Variants in MAPK10 observed in about 807,000 individuals in gnomAD.
MAPK10 encodes mitogen-activated protein kinase 10, also known as JNK3 alpha protein kinase.
A neutral mutation model predicts 59.3 loss-of-function variants in MAPK10; 25 were observed. The observed-to-expected ratio is 0.42, with a 90% CI of 0.31 to 0.59. The LOEUF is 0.59. Ranked by LOEUF, MAPK10 falls within the 20% of genes least tolerant of loss-of-function variation. The pLI is 0.15. For missense variants in MAPK10, 351 were observed against 568.9 expected (o/e 0.62, Z 3.90); for synonymous variants, 190 against 200.5 (o/e 0.95, Z 0.44).
rs185277466 is a variant in MAPK10 at position 86,286,456 on chromosome 4, G to C, written c.-7+68074C>G. Among the ~76,000 whole-genome samples, 373 of 152,258 alleles carry C rather than the reference G, an allele frequency of 2.4e-3. 2 individuals carry two copies. The highest frequency in any genetic ancestry group is 8.3e-3 in the African/African-American group (344 of 41,550). ...ATTACAAATAACATGTGTAGCACTT[G>C]CTCTGTGCCAGGCACTGTTCTAAGC... On this transcript the variant is annotated intron_variant, in intron 2 of 13. Coordinates refer to ENST00000641462, the MANE Select transcript of MAPK10 (RefSeq NM_138982.4).
intron 13 of MAPK10, chr4:86,020,574 G>A (rs867263852): frequency 1.8e-5 from 3 of 167,544 alleles, no homozygotes; most frequent in East Asian, 3.5e-4. Flanking sequence ...GGACCCTCGC[G>A]GTGAGTGTTA....
chr4:86,378,906 C>T (rs1441188349), intron 1 of MAPK10, among the ~76,000 whole-genome samples: 1 of 152,116 alleles, frequency 6.6e-6, no homozygotes, highest in Non-Finnish European at 1.5e-5. Flanking sequence ...AACAGTTCTA[C>T]CTGAGGGTGA....
intron 1 of MAPK10, among the ~76,000 whole-genome samples, chr4:86,518,446 G>C (rs539295853): frequency 3.9e-5 from 6 of 152,264 alleles, no homozygotes; most frequent in African/African-American, 1.2e-4. Flanking sequence ...TAATTCTGTG[G>C]TATCGGTTGT....
At chr4:86,064,533 A>G in intron 10 of MAPK10, 143 bp from the exon 11 acceptor site, 1 of 753,030 alleles carries the variant, frequency 1.3e-6, no homozygotes, top group Non-Finnish European at 2.2e-6. Flanking sequence ...GATGGAAAAG[A>G]AAATGCATTT....
chr4:86,174,647 A>G (rs11932859), intron 3 of MAPK10, among the ~76,000 whole-genome samples: 12,870 of 152,136 alleles, frequency 0.085, 1,197 homozygotes, highest in African/African-American at 0.23. Context: ...CCTCCTCAAC[A>G]CTTCTCTTTC....
At chr4:86,571,682 G>C (rs1383874855) in intron 1 of MAPK10, among the ~76,000 whole-genome samples, 3 of 152,066 alleles carry the variant, frequency 2.0e-5, no homozygotes, top group Admixed American at 2.0e-4. Flanking sequence ...ATCAAGGAGA[G>C]AAAAGACCTC....
intron 9 of MAPK10, chr4:86,079,994 T>A (rs1561435179): frequency 6.6e-6 from 1 of 152,084 alleles, no homozygotes; most frequent in Non-Finnish European, 1.5e-5. Flanking sequence ...ATTCTGCACC[T>A]TTTAATGTAA....
chr4:86,038,110 G>A (rs1457746313), intron 11 of MAPK10, among the ~76,000 whole-genome samples: 2 of 152,294 alleles, frequency 1.3e-5, no homozygotes, highest in Admixed American at 1.3e-4. Flanking sequence ...AGAAATCTAA[G>A]TTGTACAAAG....
chr4:86,162,113 A>C (rs976006793), intron 3 of MAPK10, among the ~76,000 whole-genome samples: 4 of 151,900 alleles, frequency 2.6e-5, no homozygotes, highest in African/African-American at 9.7e-5. Flanking sequence ...AATATAACCA[A>C]AAAAAGATAA....
chr4:86,169,365 T>G (rs1581773712), intron 3 of MAPK10, among the ~76,000 whole-genome samples: 1 of 152,076 alleles, frequency 6.6e-6, no homozygotes, highest in East Asian at 1.9e-4. Context: ...AGAGAAGTGC[T>G]TAAAGGAGTG....
intron 1 of MAPK10, among the ~76,000 whole-genome samples, chr4:86,477,754 A>G (rs1579344595): frequency 6.6e-6 from 1 of 151,766 alleles, no homozygotes; most frequent in South Asian, 2.1e-4. Context: ...TGTTTTGCCT[A>G]TCCACCCCAT....
intron 11 of MAPK10, among the ~76,000 whole-genome samples, chr4:86,037,012 C>T (rs1036946562): frequency 4.6e-5 from 7 of 152,142 alleles, no homozygotes; most frequent in South Asian, 2.1e-4. Context: ...TGAGACAGCA[C>T]GTCAGCATTT....
intron 9 of MAPK10, among the ~76,000 whole-genome samples, chr4:86,076,063 C>G (rs1369716440): frequency 6.6e-6 from 1 of 152,118 alleles, no homozygotes; most frequent in Admixed American, 6.5e-5. Flanking sequence ...GGGCGTAGGA[C>G]CCTCCGAGCC....
chr4:86,415,563 T>C (rs1745764019), intron 1 of MAPK10, among the ~76,000 whole-genome samples: 9 of 152,204 alleles, frequency 5.9e-5, no homozygotes, highest in Admixed American at 5.9e-4. Flanking sequence ...GTTAAAGTAC[T>C]CCTGCTACAA....
chr4:86,527,914 A>C (rs1430294453), intron 1 of MAPK10, among the ~76,000 whole-genome samples: 1 of 152,166 alleles, frequency 6.6e-6, no homozygotes, highest in Non-Finnish European at 1.5e-5. Flanking sequence ...AAAATCAAAT[A>C]CCATATGTTT....
chr4:86,109,557 A>G (rs1007042074), intron 4 of MAPK10, among the ~76,000 whole-genome samples: 2 of 152,234 alleles, frequency 1.3e-5, no homozygotes, highest in African/African-American at 4.8e-5. Context: ...CCTGCAAAGG[A>G]CAAGATGTCA....
intron 1 of MAPK10, among the ~76,000 whole-genome samples, chr4:86,372,598 GGAAA>G: frequency 6.6e-6 from 1 of 150,742 alleles, no homozygotes; most frequent in African/African-American, 2.5e-5. Context: ...GAAAAGAAAA[GGAAA>G]GAAACTCACT....
chr4:86,122,334 C>G (rs2059398516), intron 4 of MAPK10, among the ~76,000 whole-genome samples: 1 of 152,134 alleles, frequency 6.6e-6, no homozygotes, highest in Non-Finnish European at 1.5e-5. Context: ...AGAAAGTCAA[C>G]AAGCAAAATT....
intron 12 of MAPK10, among the ~76,000 whole-genome samples, chr4:86,030,927 A>C (rs2038881918): frequency 6.6e-6 from 1 of 152,202 alleles, no homozygotes; most frequent in African/African-American, 2.4e-5. Context: ...AAGTCTTATC[A>C]ATCCAATGAG....
Sources: gnomAD v4.1 joint callset for allele counts (sites outside exome capture counted in the v4.1 genomes callset) on GRCh38, gnomAD v4.1.1 for gene constraint, MANE v1.5 for transcripts, NCBI Gene and HGNC (gene_info 2026-07-23, HGNC 2026-07-21) for gene names.